TNS1: variants seen among roughly 807,000 people sequenced by gnomAD.
TNS1 encodes the protein tensin-1.
A neutral mutation model predicts 168.6 loss-of-function variants in TNS1; 62 were observed. That is an observed-to-expected ratio of 0.37 (90% CI 0.30 to 0.45). The LOEUF (loss-of-function observed/expected upper bound fraction) is 0.45, where lower values mean the gene tolerates loss of function less well. Among genes scored for constraint, TNS1 ranks in the 20% least tolerant of loss-of-function variants. TNS1 has a pLI of 1.00. For synonymous variants in TNS1, 934 were observed against 933.2 expected (o/e 1.00, Z -0.02); for missense variants, 2,240 against 2,339.4 (o/e 0.96, Z 0.88).
At chr2:217,859,571 G>A in intron 18 of TNS1, 2 of 1,407,978 alleles carry the variant, frequency 1.4e-6, no homozygotes, top group Non-Finnish European at 1.9e-6. Flanking sequence ...TTGGATTCTG[G>A]CTTGGCAACT....
rs3791909 is a variant in TNS1, at chr2:217,933,611, A to C, written c.187-13375T>G. ...ATGTACAGACTGGAACAGGGGGAGC[A>C]TGAGCCAGCAGAGATGGGGGGAACA... On this transcript the variant is annotated intron_variant, in intron 3 of 32. Transcript: ENST00000682258. 5.3e-4 allele frequency among the ~76,000 whole-genome samples: 81 copies of C among 152,336 alleles called. No individual in the cohort carries two copies. The East Asian group carries it at 0.011, about 20-fold the overall frequency.
rs1402869167 is a variant in TNS1 at position 217,995,437 on chromosome 2, CAGTG to C, written c.34-4385_34-4382del. ...CACTGCAAGAAGGCATAATGAGACT[CAGTG>C]GGGAAAAAAAAAACTTAACAATCAG... is the stretch of plus-strand genomic sequence containing the variant. On this transcript the variant is annotated intron_variant, in intron 1 of 32. Transcript: ENST00000682258. This position sits in a 1 kb window ranked among gnomAD's most constrained non-coding sequence, Gnocchi z 4.1. Among the ~76,000 whole-genome samples, 6 of 151,810 alleles carry C rather than the reference CAGTG, an allele frequency of 4.0e-5. No homozygotes were observed. Among genetic ancestry groups the C allele is most frequent in the Admixed American group, 6.6e-5 (1 of 15,238 alleles).
At chr2:217,915,579 G>A (rs746985982) in intron 4 of TNS1, among the ~76,000 whole-genome samples, 4 of 152,222 alleles carry the variant, frequency 2.6e-5, no homozygotes, top group Non-Finnish European at 4.4e-5. Context: ...TGGTTACATG[G>A]ATGGACAGAC....
At chr2:217,844,759 T>A (rs1402423739) in intron 19 of TNS1, among the ~76,000 whole-genome samples, 1 of 152,176 alleles carries the variant, frequency 6.6e-6, no homozygotes, top group Non-Finnish European at 1.5e-5. Flanking sequence ...AACTCTAGAC[T>A]CCTTAAGGAT....
At chr2:217,962,586 C>A (rs1473454961) in intron 3 of TNS1, among the ~76,000 whole-genome samples, 1 of 152,080 alleles carries the variant, frequency 6.6e-6, no homozygotes, top group Non-Finnish European at 1.5e-5. Flanking sequence ...GGTGTCCATA[C>A]TGACAAATAA....
intron 32 of TNS1, among the ~76,000 whole-genome samples, chr2:217,805,513 A>ACACACCACACACCC (rs1559132049): frequency 3.6e-5 from 1 of 27,528 alleles, no homozygotes; most frequent in African/African-American, 1.8e-4. Context: ...ACCACCACAC[A>ACACACCACACACCC]CACCACACAC....
rs561991559 is a variant in TNS1 at position 217,988,579 on chromosome 2, G to A, written c.148+2363C>T. On this transcript the variant is annotated intron_variant, in intron 2 of 32. Coordinates refer to ENST00000682258, the MANE Select transcript of TNS1 (RefSeq NM_001387777.1). ...AATTTATGCATCTTCGCAGGGCAGG[G>A]TGTGGGGCTGTTATGCAAACAAAAT... is the stretch of plus-strand genomic sequence containing the variant. Among the ~76,000 whole-genome samples, 4 of 152,320 alleles carry A rather than the reference G, an allele frequency of 2.6e-5. 1 individual carries two copies. The South Asian group carries it at 8.3e-4, about 32-fold the overall frequency.
intron 1 of TNS1, among the ~76,000 whole-genome samples, chr2:218,023,256 C>A (rs1454227285): frequency 6.6e-6 from 1 of 152,122 alleles, no homozygotes; most frequent in Non-Finnish European, 1.5e-5. Context: ...GGCTGGGAAC[C>A]CCGAGACCAG....
intron 22 of TNS1, chr2:217,830,266 C>G: frequency 1.4e-6 from 2 of 1,461,688 alleles, no homozygotes; most frequent in African/African-American, 2.8e-5. Context: ...CTACTGATCC[C>G]CCGTGGCTCA....
intron 21 of TNS1, among the ~76,000 whole-genome samples, chr2:217,834,232 A>T (rs1020624324): frequency 2.6e-5 from 4 of 152,196 alleles, no homozygotes; most frequent in African/African-American, 9.7e-5. Flanking sequence ...AGTACAGGAC[A>T]GCCAGCCCCT....
chr2:217,951,127 C>T (rs1957230570), intron 3 of TNS1, among the ~76,000 whole-genome samples: 1 of 152,206 alleles, frequency 6.6e-6, no homozygotes, highest in Non-Finnish European at 1.5e-5. Flanking sequence ...CTGGCCCCAT[C>T]CTACCAGGAG....
At chr2:217,837,047 T>C (rs560799804) in intron 19 of TNS1, among the ~76,000 whole-genome samples, 1 of 152,300 alleles carries the variant, frequency 6.6e-6, no homozygotes, top group East Asian at 1.9e-4. Context: ...CTCATTGAGC[T>C]GGCTCCCAGA....
chr2:217,818,097 C>A lies in TNS1; in HGVS notation c.4235G>T (p.Gly1412Val). Residue 1412 changes from glycine (G) to valine (V), a missense_variant, in exon 24 of 33, where the codon GGA becomes GTA. Around this residue, in one of 2 missense-constraint regions of TNS1, gnomAD observed 2,131 missense variants for 2,171.2 expected, o/e 0.98. Coordinates refer to ENST00000682258, the MANE Select transcript of TNS1 (RefSeq NM_001387777.1). ...PSLGRHLGGS[G>V]SVVPGSPCLD... The stretch of plus-strand genomic sequence containing the variant: ...GCAGGGGCTGCCGGGAACCACAGAT[C>A]CAGACCCTCCGAGGTGACGGCCCAG... The A allele has an allele frequency of 6.2e-6, 10 of 1,613,736 alleles. No individual in the cohort carries two copies. Among genetic ancestry groups the A allele is most frequent in the Non-Finnish European group, 8.5e-6 (10 of 1,179,886 alleles).
At chr2:217,931,799 C>G (rs907529168) in intron 3 of TNS1, among the ~76,000 whole-genome samples, 1 of 152,126 alleles carries the variant, frequency 6.6e-6, no homozygotes, top group Non-Finnish European at 1.5e-5. Flanking sequence ...ATTCCATTTT[C>G]GGAAACGTTA....
chr2:217,997,748 T>G (rs907916879), intron 1 of TNS1, among the ~76,000 whole-genome samples: 6 of 152,018 alleles, frequency 3.9e-5, no homozygotes, highest in Non-Finnish European at 7.4e-5. Flanking sequence ...GAGGATGAAA[T>G]GAGATTATGC....
At chr2:217,964,810 A>T (rs553313128) in intron 3 of TNS1, among the ~76,000 whole-genome samples, 2 of 152,320 alleles carry the variant, frequency 1.3e-5, no homozygotes, top group South Asian at 4.1e-4. Flanking sequence ...GCCAGAGGAA[A>T]CAGGCCAGGG....
rs1020730038 is a variant in TNS1, at chr2:217,804,351, G to T, written c.*108C>A. On this transcript the variant is annotated 3_prime_UTR_variant, in exon 33 of 33. Transcript: ENST00000682258. ...CACGTTGCACTTTCTTCTCTCCTCC[G>T]AAATTGGCCCAAAGTCCTCCTTCTG... The T allele has an allele frequency of 2.8e-6, 4 of 1,425,352 alleles. No homozygotes were observed. The highest frequency in any genetic ancestry group is 1.4e-5 in the South Asian group (1 of 73,372). 88.3% of individuals were successfully genotyped at this position (1,425,352 alleles called of 1,614,324 possible). A position where few individuals can be genotyped will look rare whatever the true frequency, so the allele number is the denominator to read the frequency against.
intron 1 of TNS1, among the ~76,000 whole-genome samples, chr2:217,996,298 C>G (rs553987966): frequency 1.5e-4 from 23 of 152,312 alleles, no homozygotes; most frequent in African/African-American, 4.6e-4. Context: ...GAGGTCAACT[C>G]CTGTCGCACT....
At chr2:217,919,037 T>A (rs3791918) in intron 4 of TNS1, among the ~76,000 whole-genome samples, 6 of 152,024 alleles carry the variant, frequency 3.9e-5, no homozygotes, top group African/African-American at 1.5e-4. Flanking sequence ...CAGTGACACT[T>A]AGAGTCCCAA....
Sources: gnomAD v4.1 joint callset for allele counts (sites outside exome capture counted in the v4.1 genomes callset) on GRCh38, gnomAD v4.1.1 for gene constraint, gnomAD v4.1.1 regional missense constraint, Gnocchi (gnomAD v3.1) non-coding constraint, MANE v1.5 for transcripts, NCBI Gene and HGNC (gene_info 2026-07-23, HGNC 2026-07-21) for gene names.